The following ARK2N variants were observed in gnomAD, a reference collection of about 807,000 sequenced individuals.
The protein encoded by ARK2N is protein ARK2N.
the ARK2N span, among the ~76,000 whole-genome samples, chr18:46,209,739 G>A: frequency 1.3e-5 from 2 of 152,080 alleles, no homozygotes; most frequent in East Asian, 1.9e-4. Flanking sequence ...TGGACTACAG[G>A]CGTCCGCCAC....
the ARK2N span, among the ~76,000 whole-genome samples, chr18:46,182,064 G>C: frequency 6.6e-6 from 1 of 152,176 alleles, no homozygotes; most frequent in Non-Finnish European, 1.5e-5. Context: ...CTTATAATTA[G>C]AGAAAGGTAT....
the ARK2N span, among the ~76,000 whole-genome samples, chr18:46,221,046 G>A: frequency 6.6e-6 from 1 of 152,094 alleles, no homozygotes; most frequent in African/African-American, 2.4e-5. Flanking sequence ...TGGTGTGGGA[G>A]GATTGCTTGA....
chr18:46,207,048 T>G, the ARK2N span, among the ~76,000 whole-genome samples: 5 of 152,212 alleles, frequency 3.3e-5, no homozygotes, highest in Non-Finnish European at 7.3e-5. Context: ...AGTGCTGGGA[T>G]TATAGGCATG....
At chr18:46,191,299 G>A in the ARK2N span, among the ~76,000 whole-genome samples, 1 of 151,650 alleles carries the variant, frequency 6.6e-6, no homozygotes, top group Non-Finnish European at 1.5e-5. Context: ...TGGCATATTT[G>A]TTACAACTGA....
At chr18:46,218,185 G>C in the ARK2N span, 1 of 152,130 alleles carries the variant, frequency 6.6e-6, no homozygotes, top group Non-Finnish European at 1.5e-5. Context: ...CACTTTCCCT[G>C]TTTTGCTTAA....
chr18:46,231,472 A>G, the ARK2N span, among the ~76,000 whole-genome samples: 1 of 151,632 alleles, frequency 6.6e-6, no homozygotes. Flanking sequence ...TCCTAAAGGT[A>G]TGTAAGAAAA....
chr18:46,173,961 C>T, the ARK2N span: 2 of 152,228 alleles, frequency 1.3e-5, no homozygotes, highest in Admixed American at 1.3e-4. Context: ...GGGCCTCGGG[C>T]GCCAGTCTCC....
the ARK2N span, chr18:46,263,054 C>T: frequency 8.1e-6 from 13 of 1,614,050 alleles, no homozygotes; most frequent in Non-Finnish European, 1.0e-5. Context: ...CAGACTTGGG[C>T]TTCACCAGCA....
chr18:46,216,853 T>C, the ARK2N span: 1 of 406,384 alleles, frequency 2.5e-6, no homozygotes. The surrounding 1 kb of genome is among the most constrained non-coding windows in gnomAD (Gnocchi z 4.3). Context: ...ATGGAATTTC[T>C]CATAAGTCTG....
chr18:46,226,934 A>T, the ARK2N span, among the ~76,000 whole-genome samples: 1 of 151,626 alleles, frequency 6.6e-6, no homozygotes. Flanking sequence ...CAGCCTCCCA[A>T]GTAGCTGGGA....
chr18:46,263,829 G>C, the ARK2N span: 1 of 152,574 alleles, frequency 6.6e-6, no homozygotes, highest in African/African-American at 2.4e-5. Flanking sequence ...TGAGACAGAG[G>C]CATTTCAGAT....
chr18:46,240,213 T>C, the ARK2N span: 4 of 1,612,222 alleles, frequency 2.5e-6, no homozygotes. Context: ...CCCCCTTCTC[T>C]AACGGTGTAA....
chr18:46,205,702 A>C, the ARK2N span, among the ~76,000 whole-genome samples: 1 of 151,950 alleles, frequency 6.6e-6, no homozygotes, highest in Non-Finnish European at 1.5e-5. Context: ...TATTTTTGAG[A>C]CCTGTGGGTT....
the ARK2N span, chr18:46,264,356 TACCTAGAGTTAG>T: frequency 6.6e-6 from 1 of 152,658 alleles, no homozygotes; most frequent in Non-Finnish European, 1.5e-5. Context: ...TTAAAAGCAA[TACCTAGAGTTAG>T]AACACTATGT....
chr18:46,207,471 C>T, the ARK2N span, among the ~76,000 whole-genome samples: 1 of 146,176 alleles, frequency 6.8e-6, no homozygotes, highest in African/African-American at 2.5e-5. Context: ...CTCACTGCAA[C>T]TTCTGCCTTC....
the ARK2N span, among the ~76,000 whole-genome samples, chr18:46,203,097 G>A: frequency 9.9e-5 from 15 of 152,186 alleles, no homozygotes; most frequent in Non-Finnish European, 1.5e-4. Context: ...CTGAACATAA[G>A]CATATTCTAT....
At chr18:46,184,724 A>G in the ARK2N span, among the ~76,000 whole-genome samples, 2 of 144,986 alleles carry the variant, frequency 1.4e-5, no homozygotes, top group South Asian at 2.1e-4. Flanking sequence ...CCCTGTCTCT[A>G]ACAACAACAA....
the ARK2N span, chr18:46,264,845 G>C: frequency 7.0e-6 from 1 of 143,654 alleles, no homozygotes; most frequent in Non-Finnish European, 1.5e-5. Flanking sequence ...TATGTTCTTT[G>C]ATCTTCTCTG....
chr18:46,225,614 A>G, the ARK2N span, among the ~76,000 whole-genome samples: 1 of 152,100 alleles, frequency 6.6e-6, no homozygotes, highest in African/African-American at 2.4e-5. Flanking sequence ...GCCCGCCACC[A>G]CGCCTGGCTA....
Sources: gnomAD v4.1 joint callset for allele counts (sites outside exome capture counted in the v4.1 genomes callset) on GRCh38, gnomAD v4.1.1 for gene constraint, Gnocchi (gnomAD v3.1) non-coding constraint, MANE v1.5 for transcripts, NCBI Gene and HGNC (gene_info 2026-07-23, HGNC 2026-07-21) for gene names.